FN1: variants seen among roughly 807,000 people sequenced by gnomAD.
FN1 encodes the protein fibronectin.
Under a neutral mutation model 297.3 loss-of-function variants are expected in FN1, and 106 were observed. That is an observed-to-expected ratio of 0.36 (90% CI 0.30 to 0.42). The LOEUF is 0.42. Among genes scored for constraint, FN1 ranks in the 10% least tolerant of loss-of-function variants. The probability of loss-of-function intolerance (pLI) is 1.00; values close to 1 mark genes in which losing one functional copy is unlikely to be tolerated. For synonymous variants in FN1, 1,149 were observed against 1,152.6 expected (o/e 1.00, Z 0.06); for missense variants, 2,690 against 3,124.9 (o/e 0.86, Z 3.32).
rs758386206 is a variant in FN1, at chr2:215,393,089, G to T, written c.3911C>A (p.Ala1304Glu). 1 of 1,614,040 alleles carries T rather than the reference G, an allele frequency of 6.2e-7. No individual in the cohort carries two copies. Among genetic ancestry groups the T allele is most frequent in the South Asian group, 1.1e-5 (1 of 91,080 alleles). Residue 1304 changes from alanine to glutamate, a missense_variant, in exon 25 of 46, where the codon GCG (alanine) becomes GAG (glutamate). Around this residue, in one of 3 missense-constraint regions of FN1, gnomAD observed 1,743 missense variants for 1,945.2 expected, o/e 0.90. Coordinates refer to ENST00000354785, the MANE Select transcript of FN1 (RefSeq NM_212482.4). ...TIIGYRITVV[A>E]AGEGIPIFED... ...AAAAATAGGGATACCTTCTCCTGCC[G>T]CAACTACTGTGATGCGGTACCCAAT...
intron 41 of FN1, among the ~76,000 whole-genome samples, chr2:215,368,691 A>G (rs2055189785): frequency 6.6e-6 from 1 of 152,194 alleles, no homozygotes; most frequent in South Asian, 2.1e-4. Context: ...GATTTTGGAC[A>G]TTGTTATTAT....
At chr2:215,361,869 T>C in intron 45 of FN1, 100 bp downstream of exon 45, 1 of 1,479,818 alleles carries the variant, frequency 6.8e-7, no homozygotes, top group Admixed American at 2.3e-5. Context: ...TTGTTTTTTT[T>C]TTTAATTAAT....
intron 38 of FN1, among the ~76,000 whole-genome samples, chr2:215,373,858 A>AT (rs1387666879): frequency 6.6e-6 from 1 of 151,596 alleles, no homozygotes; most frequent in Non-Finnish European, 1.5e-5. Context: ...TTGTTTTTGT[A>AT]TTTTTAGTAG....
intron 3 of FN1, among the ~76,000 whole-genome samples, chr2:215,432,188 G>A (rs2066641169): frequency 3.9e-5 from 6 of 152,140 alleles, no homozygotes; most frequent in Admixed American, 3.9e-4. Flanking sequence ...AATCTGGATG[G>A]CAAGGAAGAG....
intron 12 of FN1, 106 bp downstream of exon 12, chr2:215,419,136 G>C (rs1387258407): frequency 1.8e-5 from 16 of 896,552 alleles, no homozygotes; most frequent in South Asian, 1.2e-4. Flanking sequence ...GAAAAGGGTG[G>C]GAAAGAGGGG....
chr2:215,362,266 A>G (rs2053613918), intron 44 of FN1, 187 bp from the exon 45 acceptor site: 3 of 621,656 alleles, frequency 4.8e-6, no homozygotes, highest in South Asian at 1.8e-5. Context: ...GCTTATTACC[A>G]TATCTTATAC....
Position 215,379,216 on chromosome 2 carries a change from G to T in FN1, c.5536C>A (p.Arg1846=), listed in dbSNP as rs982522475. 6.2e-7 allele frequency: 1 copy of T among 1,613,884 alleles called. No individual in the cohort carries two copies. Among genetic ancestry groups the T allele is most frequent in the East Asian group, 2.2e-5 (1 of 44,868 alleles). ...PNVQLTGYRV[R]VTPKEKTGPM... ...CCGGTCTTCTCCTTGGGGGTCACCC[G>T]CACTCGATATCCAGTGAGCTGAACA... Residue 1846 remains arginine (R), a synonymous_variant, in exon 34 of 46, where the codon CGG becomes AGG. Transcript: ENST00000354785.
intron 41 of FN1, 48 bp from the exon 42 acceptor site, chr2:215,368,075 A>G (rs368958628): frequency 8.2e-6 from 13 of 1,587,588 alleles, no homozygotes; most frequent in Non-Finnish European, 1.1e-5. Context: ...TTATTAATCG[A>G]TTTGGACCAT....
At chr2:215,411,546 A>G (rs1437968166) in intron 13 of FN1, among the ~76,000 whole-genome samples, 1 of 152,214 alleles carries the variant, frequency 6.6e-6, no homozygotes, top group Admixed American at 6.5e-5. Context: ...TTACAAGAAA[A>G]TAACAGAAAA....
chr2:215,409,575 G>C lies in FN1; in HGVS notation c.2287C>G (p.Pro763Ala), dbSNP rs779684813. The C allele has an allele frequency of 1.2e-6, 2 of 1,613,406 alleles. No homozygotes were observed. Among genetic ancestry groups the C allele is most frequent in the African/African-American group, 1.3e-5 (1 of 74,990 alleles). The change falls in exon 15 of 46, where the codon CCA (proline) becomes GCA (alanine). Residue 763 changes from proline (P) to alanine (A), a missense_variant. Physicochemically the swap from Pro to Ala is conservative, Grantham distance 27. This residue lies in a region of FN1 where 876 missense variants were observed against 1,058.1 expected (regional missense o/e 0.83). Coordinates refer to ENST00000354785, the MANE Select transcript of FN1 (RefSeq NM_212482.4). The part of the protein sequence containing the change: ...EYELSEEGDE[P>A]QYLDLPSTAT... ...ATATTGAGCTTACCCAGGTACTGTG[G>C]CTCATCTCCCTCCTCACTCAGCTCA...
At chr2:215,363,213 G>C (rs76669188) in intron 44 of FN1, 1 of 152,108 alleles carries the variant, frequency 6.6e-6, no homozygotes, top group Non-Finnish European at 1.5e-5. Flanking sequence ...CTTGAGAATA[G>C]AATAAGTGTC....
intron 42 of FN1, 200 bp from the exon 43 acceptor site, chr2:215,365,830 A>C: frequency 4.0e-6 from 1 of 253,016 alleles, no homozygotes; most frequent in East Asian, 8.8e-5. Flanking sequence ...TTTTGAGACA[A>C]AGTCTTTCTC....
At chr2:215,380,692 T>C (rs2058075985) in intron 33 of FN1, 119 bp downstream of exon 33, 2 of 1,199,074 alleles carry the variant, frequency 1.7e-6, no homozygotes, top group Non-Finnish European at 2.5e-6. Flanking sequence ...AGAGGATCTT[T>C]CCTAATAATT....
chr2:215,392,207 A>C, intron 25 of FN1: 1 of 230,902 alleles, frequency 4.3e-6, no homozygotes, highest in Non-Finnish European at 8.6e-6. Flanking sequence ...ACAAAAAGAC[A>C]AGAGGGTCCT....
rs1270650626 is a variant in FN1, at chr2:215,383,192, C to T, written c.5050+136G>A. 20 of 844,408 alleles carry T rather than the reference C, an allele frequency of 2.4e-5. 1 individual carries two copies. In the Middle Eastern group the frequency reaches 1.0e-3, roughly 44 times the overall value. The allele number at this position is 844,408 out of a possible 1,614,324, so 52.3% of individuals were successfully genotyped here. ...GCTAATTTTTTTGTATTTTTTAGTA[C>T]AGACGGGGTTTCGCCATATTGGCCA... On this transcript the variant is annotated intron_variant, in intron 31 of 45. Coordinates refer to ENST00000354785, the MANE Select transcript of FN1 (RefSeq NM_212482.4).
chr2:215,381,969 T>C (rs918403926), intron 32 of FN1: 32 of 473,484 alleles, frequency 6.8e-5, no homozygotes, highest in Non-Finnish European at 1.1e-4. Context: ...CTGAGGCCAT[T>C]TGAGCAAAAG....
chr2:215,384,097 G>A lies in FN1; in HGVS notation c.4817C>T (p.Thr1606Ile), dbSNP rs769644869. Residue 1606 changes from threonine to isoleucine, a missense_variant, in exon 30 of 46, where the codon ACC becomes ATC. Thr to Ile is a moderately conservative substitution (Grantham distance 89, BLOSUM62 -1). Transcript: ENST00000354785. Reference protein sequence around the residue: ...ISGLKPGVDYTITVYAVTGRG... With the variant: ...ISGLKPGVDYIITVYAVTGRG... ...GCCAGTGACAGCATACACAGTGATG[G>A]TATAATCAACTCCAGGTTTAAGGCC... is the stretch of plus-strand genomic sequence containing the variant. 2.5e-6 allele frequency: 4 copies of A among 1,614,118 alleles called. No individual in the cohort carries two copies. The East Asian group carries it at 8.9e-5, about 36-fold the overall frequency.
intron 20 of FN1, among the ~76,000 whole-genome samples, chr2:215,401,238 G>A (rs865851858): frequency 1.6e-4 from 9 of 55,090 alleles, no homozygotes; most frequent in African/African-American, 7.9e-4. Context: ...AAGAAAGAAA[G>A]AAAGAAAGAA....
rs1274157601 is a variant in FN1, at chr2:215,397,236, A to G, written c.3518-13T>C. ...GGTGGAGACAATGCTATGCAGAAAG[A>G]ACATTTTAAAAGTCAAAGCTGACAC... On this transcript the variant is annotated splice_polypyrimidine_tract_variant and intron_variant, in intron 22 of 45. Transcript: ENST00000354785. 1 of 1,597,080 alleles carries G rather than the reference A, an allele frequency of 6.3e-7. No individual in the cohort carries two copies. Among genetic ancestry groups the G allele is most frequent in the Admixed American group, 1.7e-5 (1 of 59,980 alleles).
Sources: gnomAD v4.1 joint callset for allele counts (sites outside exome capture counted in the v4.1 genomes callset) on GRCh38, gnomAD v4.1.1 for gene constraint, gnomAD v4.1.1 regional missense constraint, MANE v1.5 for transcripts, NCBI Gene and HGNC (gene_info 2026-07-23, HGNC 2026-07-21) for gene names.